FOCAD: variants seen among roughly 807,000 people sequenced by gnomAD.
FOCAD encodes the protein KIAA1797.
A neutral mutation model predicts 225.6 loss-of-function variants in FOCAD; 198 were observed. The observed-to-expected ratio is 0.88, with a 90% CI of 0.78 to 0.99. FOCAD has a LOEUF of 0.99. Ranked by LOEUF, FOCAD falls within the 50% of genes least tolerant of loss-of-function variation. The pLI, the probability that FOCAD is intolerant of heterozygous loss-of-function variation, is 0.00. For synonymous variants in FOCAD, 897 were observed against 755.0 expected, an observed-to-expected ratio of 1.19 and a Z score of -3.08; for missense variants, 2,713 against 2,123.6, an observed-to-expected ratio of 1.28 and a Z score of -5.46.
Position 20,948,842 on chromosome 9 carries a change from T to C in FOCAD, c.3799-9T>C, listed in dbSNP as rs531021642. 1 of 1,613,328 alleles carries C rather than the reference T, an allele frequency of 6.2e-7. No individual in the cohort carries two copies. Among genetic ancestry groups the C allele is most frequent in the African/African-American group, 1.3e-5 (1 of 75,024 alleles). On this transcript the variant is annotated splice_polypyrimidine_tract_variant and intron_variant, in intron 31 of 43. Transcript: ENST00000338382. Reference sequence around the variant, plus strand: ...TCCCTCTTTTCATATTCTGATGCTTTGTTTTCAGGGCACTCCCACAATGCT... The same window carrying C: ...TCCCTCTTTTCATATTCTGATGCTTCGTTTTCAGGGCACTCCCACAATGCT...
intron 11 of FOCAD, among the ~76,000 whole-genome samples, chr9:20,790,764 C>T (rs1445200150): frequency 6.6e-6 from 1 of 151,626 alleles, no homozygotes; most frequent in African/African-American, 2.4e-5. Context: ...GTCTCAAAAG[C>T]AAAAAACAAA....
At chr9:20,666,765 C>G (rs1189598475) in intron 2 of FOCAD, among the ~76,000 whole-genome samples, 1 of 152,092 alleles carries the variant, frequency 6.6e-6, no homozygotes, top group Non-Finnish European at 1.5e-5. Flanking sequence ...GGCAACAATA[C>G]TGATGTTGGA....
chr9:20,658,519 C>A (rs12336224), intron 1 of FOCAD: 11,929 of 155,670 alleles, frequency 0.077, 615 homozygotes, highest in African/African-American at 0.15. Context: ...GCGCAGTATT[C>A]GGGTGGGAGT....
chr9:20,815,123 G>GGTTTTTGTTTTTTTT (rs796702774), intron 11 of FOCAD, among the ~76,000 whole-genome samples: 1 of 85,396 alleles, frequency 1.2e-5, no homozygotes, highest in East Asian at 3.0e-4. Context: ...ACTTCTCTTT[G>GGTTTTTGTTTTTTTT]TTTTTTTTTT....
At chr9:20,730,929 C>G (rs960952212) in intron 4 of FOCAD, among the ~76,000 whole-genome samples, 1 of 151,926 alleles carries the variant, frequency 6.6e-6, no homozygotes, top group African/African-American at 2.4e-5. Flanking sequence ...AAACCCATAA[C>G]AACAAAAAAA....
chr9:20,795,784 G>GAAAAAAAAAAAAAA (rs1161085446), intron 11 of FOCAD, among the ~76,000 whole-genome samples: 1 of 42,406 alleles, frequency 2.4e-5, no homozygotes, highest in African/African-American at 1.1e-4. Flanking sequence ...ACTCTGTCTC[G>GAAAAAAAAAAAAAA]AAAAAAAAAA....
chr9:20,805,543 TCAAA>T (rs1181759251), intron 11 of FOCAD, among the ~76,000 whole-genome samples: 1 of 152,108 alleles, frequency 6.6e-6, no homozygotes, highest in African/African-American at 2.4e-5. Context: ...AATTTTCAGG[TCAAA>T]TACCTGACTT....
chr9:20,728,118 T>G (rs559456711), intron 4 of FOCAD, among the ~76,000 whole-genome samples: 2 of 152,262 alleles, frequency 1.3e-5, no homozygotes, highest in South Asian at 4.1e-4. Context: ...GTTAGTGTAG[T>G]TGGTAGAGCT....
intron 24 of FOCAD, among the ~76,000 whole-genome samples, chr9:20,918,275 C>G (rs1834039693): frequency 6.6e-6 from 1 of 152,170 alleles, no homozygotes; most frequent in Admixed American, 6.5e-5. Flanking sequence ...TTCCTCGTGT[C>G]TAGTAGATAT....
chr9:20,986,210 T>C (rs2132663871), intron 39 of FOCAD, 78 bp from the exon 40 acceptor site: 1 of 1,327,418 alleles, frequency 7.5e-7, no homozygotes, highest in South Asian at 1.7e-5. Context: ...CTTTTTTGTT[T>C]TGCCCTTGCC....
chr9:20,917,221 G>A (rs546574891), intron 24 of FOCAD, among the ~76,000 whole-genome samples: 1 of 151,760 alleles, frequency 6.6e-6, no homozygotes, highest in African/African-American at 2.4e-5. Flanking sequence ...ATGTGCTTTG[G>A]CTTAAACTTA....
intron 35 of FOCAD, among the ~76,000 whole-genome samples, chr9:20,959,814 G>A (rs1838536481): frequency 6.6e-6 from 1 of 151,980 alleles, no homozygotes; most frequent in South Asian, 2.1e-4. Flanking sequence ...GAGTGTTCTT[G>A]ACATTTTTGT....
chr9:20,912,753 AC>A, intron 22 of FOCAD, 112 bp from the exon 23 acceptor site: 4 of 755,700 alleles, frequency 5.3e-6, no homozygotes. Context: ...CTAATGTCTT[AC>A]CCAGAACACT....
At chr9:20,763,398 G>T (rs935687033) in intron 6 of FOCAD, among the ~76,000 whole-genome samples, 1 of 152,160 alleles carries the variant, frequency 6.6e-6, no homozygotes, top group Admixed American at 6.5e-5. Flanking sequence ...CAAGGCTGAA[G>T]TGCACTATTA....
intron 2 of FOCAD, among the ~76,000 whole-genome samples, chr9:20,663,714 A>G (rs1438849695): frequency 6.6e-6 from 1 of 152,220 alleles, no homozygotes; most frequent in Non-Finnish European, 1.5e-5. Flanking sequence ...CGTAACCTCA[A>G]GCCTGAGACT....
At chr9:20,872,522 C>A (rs545322620) in intron 18 of FOCAD, among the ~76,000 whole-genome samples, 24 of 142,806 alleles carry the variant, frequency 1.7e-4, no homozygotes, top group African/African-American at 6.0e-4. Context: ...TTCTACTCCC[C>A]TCCTCTTCCC....
intron 2 of FOCAD, among the ~76,000 whole-genome samples, chr9:20,676,455 A>C (rs7867822): frequency 6.6e-6 from 1 of 151,958 alleles, no homozygotes; most frequent in African/African-American, 2.4e-5. Flanking sequence ...GGCAGACTTC[A>C]TCATGTTTCT....
chr9:20,729,278 G>A lies in FOCAD; in HGVS notation c.287+8744G>A, dbSNP rs982356618. On this transcript the variant is annotated intron_variant, in intron 4 of 43. Coordinates refer to ENST00000338382, the MANE Select transcript of FOCAD (RefSeq NM_001375567.1). ...TTCTATGCCTTTCTACTAGCTTCTGGTGGTTGATGGAAACCTTTGACATTC... is the reference window on the plus strand; with the variant it reads ...TTCTATGCCTTTCTACTAGCTTCTGATGGTTGATGGAAACCTTTGACATTC... Among the ~76,000 whole-genome samples the A allele has an allele frequency of 2.0e-4, 30 of 152,154 alleles. 1 individual carries two copies. Among genetic ancestry groups the A allele is most frequent in the Non-Finnish European group, 4.3e-4 (29 of 68,024 alleles).
At chr9:20,866,199 A>C (rs936616007) in intron 17 of FOCAD, among the ~76,000 whole-genome samples, 3 of 152,034 alleles carry the variant, frequency 2.0e-5, no homozygotes, top group African/African-American at 7.2e-5. Flanking sequence ...TACTTGGTGA[A>C]TCTGACAGAT....
Sources: gnomAD v4.1 joint callset for allele counts (sites outside exome capture counted in the v4.1 genomes callset) on GRCh38, gnomAD v4.1.1 for gene constraint, MANE v1.5 for transcripts, NCBI Gene and HGNC (gene_info 2026-07-23, HGNC 2026-07-21) for gene names.